DCC: variants seen among roughly 807,000 people sequenced by gnomAD.
The protein encoded by DCC is DCC netrin 1 receptor.
Under a neutral mutation model 172.5 loss-of-function variants are expected in DCC, and 58 were observed. The observed-to-expected ratio is 0.34, with a 90% CI of 0.27 to 0.42. The LOEUF is 0.42. DCC is among the 10% of genes least tolerant of loss of function. The probability of loss-of-function intolerance (pLI) is 1.00; values close to 1 mark genes in which losing one functional copy is unlikely to be tolerated. For synonymous variants in DCC, 709 were observed against 644.5 expected (o/e 1.10, Z -1.52); for missense variants, 1,740 against 1,791.0 (o/e 0.97, Z 0.51).
chr18:53,478,598 A>G (rs1039429313), intron 25 of DCC, among the ~76,000 whole-genome samples: 13 of 152,206 alleles, frequency 8.5e-5, no homozygotes, highest in African/African-American at 3.1e-4. Context: ...AGAAGTCTCA[A>G]AAAGGTAGCC....
At chr18:52,356,241 C>T (rs1445374649) in intron 1 of DCC, among the ~76,000 whole-genome samples, 1 of 152,140 alleles carries the variant, frequency 6.6e-6, no homozygotes, top group Non-Finnish European at 1.5e-5. Context: ...TGCCATCACA[C>T]ACTGCATTTT....
intron 1 of DCC, among the ~76,000 whole-genome samples, chr18:52,479,918 T>C (rs1047076759): frequency 1.3e-5 from 2 of 152,248 alleles, no homozygotes; most frequent in East Asian, 1.9e-4. Flanking sequence ...TATTTTTTGA[T>C]TGGTAGCAAA....
At chr18:52,617,418 G>T (rs933693433) in intron 1 of DCC, among the ~76,000 whole-genome samples, 10 of 152,044 alleles carry the variant, frequency 6.6e-5, no homozygotes, top group Non-Finnish European at 1.3e-4. Context: ...TGGGATAGGG[G>T]CTTCGTCATC....
intron 1 of DCC, among the ~76,000 whole-genome samples, chr18:52,610,151 TAAAAAA>T (rs1171109968): frequency 0.013 from 241 of 18,898 alleles, 12 homozygotes; most frequent in Non-Finnish European, 0.014. Flanking sequence ...CCATCTCTCA[TAAAAAA>T]AAAAAAAAAA....
chr18:52,617,030 A>G (rs2034394891), intron 1 of DCC, among the ~76,000 whole-genome samples: 1 of 152,202 alleles, frequency 6.6e-6, no homozygotes. Flanking sequence ...TTCAATTTGC[A>G]AAAACTGGCC....
intron 1 of DCC, among the ~76,000 whole-genome samples, chr18:52,534,227 T>C (rs1400715653): frequency 1.3e-5 from 2 of 152,184 alleles, no homozygotes; most frequent in African/African-American, 4.8e-5. Context: ...ATATTTGATG[T>C]GTGTTTTCTG....
At chr18:52,837,206 G>T (rs2145309051) in intron 2 of DCC, among the ~76,000 whole-genome samples, 2 of 152,304 alleles carry the variant, frequency 1.3e-5, no homozygotes, top group South Asian at 4.1e-4. Context: ...GTGATGGTAG[G>T]ATCTGCTGTG....
At chr18:52,413,576 C>T (rs1169899775) in intron 1 of DCC, among the ~76,000 whole-genome samples, 2 of 133,192 alleles carry the variant, frequency 1.5e-5, no homozygotes, top group Non-Finnish European at 3.2e-5. Context: ...TATTTTTAAC[C>T]CTATTAACAT....
intron 2 of DCC, among the ~76,000 whole-genome samples, chr18:52,759,883 G>A (rs2145146591): frequency 6.6e-6 from 1 of 152,234 alleles, no homozygotes; most frequent in Admixed American, 6.5e-5. Flanking sequence ...CAAACCCCTA[G>A]GGAAAGCTTT....
intron 12 of DCC, among the ~76,000 whole-genome samples, chr18:53,267,110 T>TCACACACA (rs140978906): frequency 3.6e-5 from 5 of 137,394 alleles, no homozygotes; most frequent in Non-Finnish European, 7.7e-5. Context: ...ACTCTCTCTC[T>TCACACACA]CACACACACA....
chr18:52,507,762 C>T (rs760358703), intron 1 of DCC, among the ~76,000 whole-genome samples: 2 of 152,016 alleles, frequency 1.3e-5, no homozygotes, highest in African/African-American at 4.8e-5. Context: ...GGTATCAAAC[C>T]GTTTTTTCTT....
chr18:52,948,937 G>C lies in DCC; in HGVS notation c.985+23567G>C, dbSNP rs547867490. Reference sequence around the variant, plus strand: ...CAAATCAAGGTTCAAACCCAGATCAGTGCAACTCTAGATGTCATGCTTGTA... The same window carrying C: ...CAAATCAAGGTTCAAACCCAGATCACTGCAACTCTAGATGTCATGCTTGTA... On this transcript the variant is annotated intron_variant, in intron 5 of 28. Coordinates refer to ENST00000442544, the MANE Select transcript of DCC (RefSeq NM_005215.4). Among the ~76,000 whole-genome samples the C allele has an allele frequency of 2.6e-4, 40 of 152,286 alleles. No individual in the cohort carries two copies. The South Asian group carries it at 7.9e-3, about 30-fold the overall frequency.
intron 9 of DCC, among the ~76,000 whole-genome samples, chr18:53,189,708 A>G (rs2055337566): frequency 6.6e-6 from 1 of 152,204 alleles, no homozygotes; most frequent in South Asian, 2.1e-4. Flanking sequence ...GTTGTAGGAC[A>G]TAGCACTTTC....
chr18:52,979,576 C>A (rs2041173623), intron 5 of DCC, among the ~76,000 whole-genome samples: 1 of 152,130 alleles, frequency 6.6e-6, no homozygotes, highest in Non-Finnish European at 1.5e-5. Flanking sequence ...TTCCCTCTCC[C>A]AAGTAAGGAG....
At chr18:53,182,153 C>T (rs1348377115) in intron 9 of DCC, among the ~76,000 whole-genome samples, 2 of 152,150 alleles carry the variant, frequency 1.3e-5, no homozygotes, top group Non-Finnish European at 2.9e-5. Context: ...ATAAAACATG[C>T]TGATTGTTGG....
chr18:53,320,707 T>C (rs2057401347), intron 13 of DCC, among the ~76,000 whole-genome samples: 1 of 152,208 alleles, frequency 6.6e-6, no homozygotes, highest in Non-Finnish European at 1.5e-5. Flanking sequence ...GTTTTCTTTA[T>C]GTTAAGTTTT....
At chr18:53,007,811 T>A (rs528956302) in intron 5 of DCC, among the ~76,000 whole-genome samples, 1 of 152,078 alleles carries the variant, frequency 6.6e-6, no homozygotes, top group African/African-American at 2.4e-5. Flanking sequence ...TAAAATATAG[T>A]AGCAAATGAT....
chr18:53,419,325 A>G (rs1006543335), intron 21 of DCC, among the ~76,000 whole-genome samples: 1 of 152,126 alleles, frequency 6.6e-6, no homozygotes, highest in Non-Finnish European at 1.5e-5. Flanking sequence ...TTAAAAATGT[A>G]CAATTATATT....
intron 27 of DCC, among the ~76,000 whole-genome samples, chr18:53,522,616 A>G (rs2046412023): frequency 6.6e-6 from 1 of 152,140 alleles, no homozygotes; most frequent in South Asian, 2.1e-4. Flanking sequence ...ACATCACCAC[A>G]CGCCTACAAC....
Sources: allele counts gnomAD v4.1 joint callset (sites outside exome capture counted in the v4.1 genomes callset), GRCh38; gene constraint gnomAD v4.1.1; transcripts MANE v1.5; gene names NCBI Gene and HGNC (gene_info 2026-07-23, HGNC 2026-07-21).